CSGALNACT1: variants seen among roughly 807,000 people sequenced by gnomAD.
CSGALNACT1 encodes beta4GalNAcT-1.
CSGALNACT1 carries 52 observed loss-of-function variants against 51.0 expected under a neutral mutation model. The observed-to-expected ratio is 1.02, with a 90% CI of 0.82 to 1.29. CSGALNACT1 has a LOEUF of 1.29. CSGALNACT1 is among the 50% of genes most tolerant of loss of function. The pLI is 0.00. For synonymous variants in CSGALNACT1, 341 were observed against 254.4 expected (o/e 1.34, Z -3.24); for missense variants, 935 against 679.2 (o/e 1.38, Z -4.19).
chr8:19,730,217 C>T (rs1219229048), intron 1 of CSGALNACT1, among the ~76,000 whole-genome samples: 3 of 149,472 alleles, frequency 2.0e-5, no homozygotes, highest in African/African-American at 4.8e-5. Flanking sequence ...CTTCTTTACA[C>T]TCAATGTCCC....
chr8:19,643,871 T>C (rs2056988934), intron 1 of CSGALNACT1, among the ~76,000 whole-genome samples: 1 of 152,204 alleles, frequency 6.6e-6, no homozygotes, highest in South Asian at 2.1e-4. Context: ...GTAAACAATT[T>C]AGCAGTAATT....
At chr8:19,517,426 G>C (rs887075130) in intron 3 of CSGALNACT1, among the ~76,000 whole-genome samples, 1 of 152,090 alleles carries the variant, frequency 6.6e-6, no homozygotes, top group Non-Finnish European at 1.5e-5. Flanking sequence ...GTCAACAAGA[G>C]TGAAACTCCA....
chr8:19,709,655 T>C (rs1018602795), intron 1 of CSGALNACT1, among the ~76,000 whole-genome samples: 2 of 152,204 alleles, frequency 1.3e-5, no homozygotes, highest in African/African-American at 4.8e-5. Flanking sequence ...GCTTTCCAAG[T>C]GGTGCTTCTC....
intron 3 of CSGALNACT1, among the ~76,000 whole-genome samples, chr8:19,538,533 G>C (rs1373941779): frequency 6.6e-6 from 1 of 152,094 alleles, no homozygotes; most frequent in South Asian, 2.1e-4. Flanking sequence ...ACCTCATGTC[G>C]AACGCAGGAT....
chr8:19,493,104 T>A (rs2153967782), intron 4 of CSGALNACT1, among the ~76,000 whole-genome samples: 1 of 152,098 alleles, frequency 6.6e-6, no homozygotes, highest in East Asian at 1.9e-4. Context: ...AGATTCTTTA[T>A]TAAACACTTT....
intron 4 of CSGALNACT1, among the ~76,000 whole-genome samples, chr8:19,493,637 C>G (rs1463866926): frequency 2.0e-5 from 3 of 152,156 alleles, no homozygotes; most frequent in African/African-American, 7.2e-5. Flanking sequence ...GTAATTTTCT[C>G]AAGGACCATT....
intron 1 of CSGALNACT1, among the ~76,000 whole-genome samples, chr8:19,754,293 G>A (rs1227689422): frequency 1.3e-5 from 2 of 152,310 alleles, no homozygotes; most frequent in African/African-American, 4.8e-5. Flanking sequence ...CTCCCAAAGC[G>A]CTGGGATTAT....
At chr8:19,467,821 C>T (rs1413831399) in intron 4 of CSGALNACT1, among the ~76,000 whole-genome samples, 1 of 151,932 alleles carries the variant, frequency 6.6e-6, no homozygotes, top group Non-Finnish European at 1.5e-5. Context: ...CCTGTCTCCA[C>T]AAAAAATACT....
chr8:19,560,202 A>G (rs1260958160), intron 3 of CSGALNACT1, among the ~76,000 whole-genome samples: 1 of 152,228 alleles, frequency 6.6e-6, no homozygotes, highest in Non-Finnish European at 1.5e-5. Context: ...AAATAAAAAA[A>G]TTCATTTCAA....
chr8:19,416,091 T>C (rs1331536911), intron 8 of CSGALNACT1, among the ~76,000 whole-genome samples: 2 of 151,450 alleles, frequency 1.3e-5, no homozygotes, highest in Admixed American at 6.6e-5. Context: ...GGTTAACTTA[T>C]TATTAAAGAA....
intron 1 of CSGALNACT1, chr8:19,678,610 A>G (rs1420240815): frequency 1.3e-5 from 2 of 152,254 alleles, no homozygotes; most frequent in African/African-American, 2.4e-5. Flanking sequence ...TGTCAACAAT[A>G]AAGTCATCAC....
intron 1 of CSGALNACT1, among the ~76,000 whole-genome samples, chr8:19,701,896 A>G (rs113046130): frequency 2.0e-5 from 3 of 152,198 alleles, no homozygotes; most frequent in African/African-American, 7.2e-5. Flanking sequence ...TGCACAAATG[A>G]ATAAACACAG....
At chr8:19,666,997 A>G (rs867600902) in intron 1 of CSGALNACT1, among the ~76,000 whole-genome samples, 404 of 23,928 alleles carry the variant, frequency 0.017, 51 homozygotes, top group Middle Eastern at 0.062. Context: ...GAAAGAAAGA[A>G]AGAAAGAAAG....
chr8:19,629,927 C>T (rs1005513976), intron 1 of CSGALNACT1, among the ~76,000 whole-genome samples: 1 of 152,102 alleles, frequency 6.6e-6, no homozygotes, highest in Non-Finnish European at 1.5e-5. Context: ...TTCTGAGACG[C>T]CCAGTAGGCC....
intron 1 of CSGALNACT1, among the ~76,000 whole-genome samples, chr8:19,755,294 C>A (rs1446474915): frequency 6.6e-6 from 1 of 151,830 alleles, no homozygotes; most frequent in African/African-American, 2.4e-5. Flanking sequence ...AGTTTCAACT[C>A]CTTATTTTCA....
At chr8:19,520,464 C>G (rs112547126) in intron 3 of CSGALNACT1, among the ~76,000 whole-genome samples, 1,761 of 152,366 alleles carry the variant, frequency 0.012, 36 homozygotes, top group African/African-American at 0.04. Context: ...TCCCTCACTC[C>G]TGGCGCCTGC....
intron 1 of CSGALNACT1, among the ~76,000 whole-genome samples, chr8:19,676,804 T>C (rs1336737323): frequency 1.3e-5 from 2 of 152,146 alleles, no homozygotes; most frequent in South Asian, 2.1e-4. Flanking sequence ...GGAAGGATCT[T>C]TCAGGAAGAC....
chr8:19,462,312 G>A (rs768432756), intron 4 of CSGALNACT1, among the ~76,000 whole-genome samples: 7 of 151,796 alleles, frequency 4.6e-5, no homozygotes, highest in Non-Finnish European at 8.8e-5. Flanking sequence ...ACAGTTTAAC[G>A]TACAGATAAA....
At chr8:19,449,854 C>G (rs1281903064) in intron 5 of CSGALNACT1, among the ~76,000 whole-genome samples, 1 of 151,592 alleles carries the variant, frequency 6.6e-6, no homozygotes, top group Non-Finnish European at 1.5e-5. Context: ...CATAAAAATT[C>G]TGCCTTTTTC....
Sources: allele counts gnomAD v4.1 joint callset (sites outside exome capture counted in the v4.1 genomes callset), GRCh38; gene constraint gnomAD v4.1.1; transcripts MANE v1.5; gene names NCBI Gene and HGNC (gene_info 2026-07-23, HGNC 2026-07-21).